Variants in TBK1 observed in about 807,000 individuals in gnomAD.
TBK1 encodes the protein TANK binding kinase 1, also known as serine/threonine-protein kinase TBK1.
A neutral mutation model predicts 99.9 loss-of-function variants in TBK1; 37 were observed. That is an observed-to-expected ratio of 0.37 (90% CI 0.28 to 0.49). The LOEUF (loss-of-function observed/expected upper bound fraction) is 0.49. Among genes scored for constraint, TBK1 ranks in the 20% least tolerant of loss-of-function variants. The pLI, the probability that TBK1 is intolerant of heterozygous loss-of-function variation, is 0.98. For synonymous variants in TBK1, 258 were observed against 279.8 expected, an observed-to-expected ratio of 0.92 and a Z score of 0.78; for missense variants, 644 against 872.5, an observed-to-expected ratio of 0.74 and a Z score of 3.30.
In TBK1 at chr12:64,500,801, C is replaced by T. The variant is rs563528215; in HGVS notation, c.2139-529C>T. On this transcript the variant is annotated intron_variant, in intron 20 of 20. Coordinates refer to ENST00000331710, the MANE Select transcript of TBK1 (RefSeq NM_013254.4). ...TGAGACAAAGTCTCACTCTGTCACC[C>T]AGGCTAGAGTGCGGTGGCATGATCT... Among the ~76,000 whole-genome samples, 18 of 149,586 alleles carry T rather than the reference C, an allele frequency of 1.2e-4. No individual in the cohort carries two copies. The East Asian group carries it at 3.5e-3, about 29-fold the overall frequency.
Position 64,497,721 on chromosome 12 carries a change from C to T in TBK1, c.2033C>T (p.Pro678Leu), listed in dbSNP as rs1172004487. 2 of 1,607,292 alleles carry T rather than the reference C, an allele frequency of 1.2e-6. No homozygotes were observed. The highest frequency in any genetic ancestry group is 2.2e-5 in the East Asian group (1 of 44,632). The change falls in exon 19 of 21, where the codon CCA (proline) becomes CTA (leucine). Residue 678 changes from proline to leucine, a missense_variant. By Grantham distance (98) the Pro-to-Leu change is moderately conservative. This residue lies in a region of TBK1 where 465 missense variants were observed against 588.0 expected (regional missense o/e 0.79). Coordinates refer to ENST00000331710, the MANE Select transcript of TBK1 (RefSeq NM_013254.4). ...AAACATACCATGACCCCAATTTATC[C>T]AAGTTCTAACACATTAGTAGAAATG... is the stretch of plus-strand genomic sequence containing the variant. ...GIKHTMTPIY[P>L]SSNTLVEMTL...
rs528096771 is a variant in TBK1 at position 64,472,109 on chromosome 12, C to T, written c.541-2121C>T. The stretch of plus-strand genomic sequence containing the variant: ...CACTTTATGTGCTGTGCTACAGAAC[C>T]AGCAAAGCCACTGAGATCCCATATA... On this transcript the variant is annotated intron_variant, in intron 5 of 20. Transcript: ENST00000331710. Among the ~76,000 whole-genome samples, 4 of 151,610 alleles carry T rather than the reference C, an allele frequency of 2.6e-5. No individual in the cohort carries two copies. The East Asian group carries it at 7.7e-4, about 29-fold the overall frequency.
chr12:64,453,363 T>G (rs1444418749), intron 1 of TBK1, among the ~76,000 whole-genome samples: 2 of 152,204 alleles, frequency 1.3e-5, no homozygotes, highest in Admixed American at 6.5e-5. Flanking sequence ...TTACATTGAT[T>G]AGGGAAGGTT....
chr12:64,496,000 C>T (rs1265119218), intron 15 of TBK1: 1 of 433,354 alleles, frequency 2.3e-6, no homozygotes, highest in Non-Finnish European at 4.0e-6. Flanking sequence ...ACACCAGAAC[C>T]TCTAAAGGCC....
At chr12:64,471,892 A>ATTATTGCAC (rs2040665905) in intron 5 of TBK1, among the ~76,000 whole-genome samples, 1 of 152,098 alleles carries the variant, frequency 6.6e-6, no homozygotes, top group Non-Finnish European at 1.5e-5. Context: ...TAGGCAGTAT[A>ATTATTGCAC]TTATTGCACC....
At chr12:64,479,268 C>T (rs915364780) in intron 6 of TBK1, among the ~76,000 whole-genome samples, 4 of 152,146 alleles carry the variant, frequency 2.6e-5, no homozygotes, top group Admixed American at 6.5e-5. Flanking sequence ...CTATTCACTT[C>T]TCTTTTGCAT....
At chr12:64,458,925 A>G (rs2040518802) in intron 2 of TBK1, among the ~76,000 whole-genome samples, 1 of 152,122 alleles carries the variant, frequency 6.6e-6, no homozygotes, top group African/African-American at 2.4e-5. Context: ...TTGATCTTTC[A>G]TCTTCCTCTA....
At chr12:64,470,883 A>G (rs2040655424) in intron 5 of TBK1, among the ~76,000 whole-genome samples, 1 of 152,216 alleles carries the variant, frequency 6.6e-6, no homozygotes, top group African/African-American at 2.4e-5. Flanking sequence ...AAGACTTTTA[A>G]CAGGAAGAGC....
intron 16 of TBK1, among the ~76,000 whole-genome samples, 179 bp downstream of exon 16, chr12:64,496,585 G>T (rs535113413): frequency 6.6e-6 from 1 of 152,156 alleles, no homozygotes; most frequent in South Asian, 2.1e-4. Flanking sequence ...TCCCTAATTG[G>T]GAAGTTACCA....
intron 6 of TBK1, among the ~76,000 whole-genome samples, chr12:64,477,026 T>C (rs1296461137): frequency 6.6e-6 from 1 of 152,198 alleles, no homozygotes; most frequent in East Asian, 1.9e-4. Context: ...CATCAGTCTG[T>C]GTATCTGTTT....
intron 1 of TBK1, among the ~76,000 whole-genome samples, chr12:64,455,148 G>T (rs1454352421): frequency 6.6e-6 from 1 of 151,606 alleles, no homozygotes. Flanking sequence ...ACCATACCTG[G>T]CTAATTTTTG....
chr12:64,467,344 G>T (rs997352368), intron 5 of TBK1, among the ~76,000 whole-genome samples: 13 of 152,042 alleles, frequency 8.6e-5, no homozygotes, highest in African/African-American at 2.9e-4. Context: ...AATTAAAAGG[G>T]TCTGTTTTTT....
At chr12:64,456,716 C>A (rs1009816573) in intron 2 of TBK1, among the ~76,000 whole-genome samples, 2 of 151,866 alleles carry the variant, frequency 1.3e-5, no homozygotes, top group Admixed American at 6.6e-5. Context: ...GTGGCGGGCG[C>A]CTGTAGTCCC....
chr12:64,474,822 A>C (rs924322289), intron 6 of TBK1, among the ~76,000 whole-genome samples: 1 of 152,244 alleles, frequency 6.6e-6, no homozygotes, highest in Non-Finnish European at 1.5e-5. Context: ...TACCATTTAA[A>C]AAATAACATT....
At chr12:64,455,763 A>C (rs2040480165) in intron 1 of TBK1, 77 bp from the exon 2 acceptor site, 2 of 705,564 alleles carry the variant, frequency 2.8e-6, no homozygotes, top group Non-Finnish European at 4.9e-6. Flanking sequence ...CTTACTTGAG[A>C]CTAAAAACAG....
At position 64,499,037 on chromosome 12, in the gene TBK1, C is replaced by CTTTTTTTTTTTTTTTTT. The variant is rs763709411; in HGVS notation, c.2138+1003_2138+1019dup. On this transcript the variant is annotated intron_variant, in intron 20 of 20. Coordinates refer to ENST00000331710, the MANE Select transcript of TBK1 (RefSeq NM_013254.4). ...TTTGTTGGGTTTTACTAATTTTATT[C>CTTTTTTTTTTTTTTTTT]TTTTTTTTTTTTTTTTTTTTTCCCC... Among the ~76,000 whole-genome samples the CTTTTTTTTTTTTTTTTT allele has an allele frequency of 5.0e-5, 4 of 79,256 alleles. 1 individual carries two copies. The highest frequency in any genetic ancestry group is 2.2e-5 in the Non-Finnish European group (1 of 44,706). 52.0% of individuals were successfully genotyped at this position (79,256 alleles called of 152,430 possible).
At chr12:64,456,974 T>C (rs2040496109) in intron 2 of TBK1, among the ~76,000 whole-genome samples, 1 of 152,150 alleles carries the variant, frequency 6.6e-6, no homozygotes, top group Admixed American at 6.5e-5. Context: ...AAATGGAGTC[T>C]GAGAAAGAAG....
intron 13 of TBK1, among the ~76,000 whole-genome samples, chr12:64,490,543 A>G (rs2040859583): frequency 6.6e-6 from 1 of 152,008 alleles, no homozygotes; most frequent in African/African-American, 2.4e-5. Flanking sequence ...CGGTGTTTAA[A>G]TCCATAATGC....
intron 6 of TBK1, among the ~76,000 whole-genome samples, chr12:64,477,465 G>A (rs893429586): frequency 2.6e-5 from 4 of 152,180 alleles, no homozygotes; most frequent in African/African-American, 7.2e-5. Context: ...AGCTTTGTCC[G>A]TGTATAGAAA....
Sources: allele counts gnomAD v4.1 joint callset (sites outside exome capture counted in the v4.1 genomes callset), GRCh38; gene constraint gnomAD v4.1.1; regional missense constraint gnomAD v4.1.1; transcripts MANE v1.5; gene names NCBI Gene and HGNC (gene_info 2026-07-23, HGNC 2026-07-21).